The following FMC1 variants were observed in gnomAD, a reference collection of about 807,000 sequenced individuals.
FMC1 encodes formation of mitochondrial complex V assembly factor 1, also known as protein FMC1 homolog.
In FMC1, 6 loss-of-function variants were observed where a neutral mutation model predicts 10.5. The ratio of observed to expected loss-of-function variants is 0.57; its 90% CI spans 0.31 to 1.12. The LOEUF is 1.12. Ranked by LOEUF, FMC1 falls within the 50% of genes most tolerant of loss-of-function variation. FMC1 has a pLI of 0.05. For missense variants in FMC1, 146 were observed against 151.7 expected, an observed-to-expected ratio of 0.96 and a Z score of 0.20; for synonymous variants, 59 against 62.1, an observed-to-expected ratio of 0.95 and a Z score of 0.24.
At position 139,345,706 on chromosome 7, in the gene FMC1, C is replaced by T; in HGVS notation, c.*2C>T. 1.9e-6 allele frequency: 3 copies of T among 1,613,722 alleles called. No individual in the cohort carries two copies. The highest frequency in any genetic ancestry group is 2.5e-6 in the Non-Finnish European group (3 of 1,179,876). On this transcript the variant is annotated 3_prime_UTR_variant, in exon 2 of 2. Coordinates refer to ENST00000297534, the MANE Select transcript of FMC1 (RefSeq NM_197964.5). The stretch of plus-strand genomic sequence containing the variant: ...GGAGGGAAGGGCTGGGAGCCATGAA[C>T]ATGGAGAATATCCTTGGATGCTGCA...
upstream of FMC1, chr7:139,341,125 G>A (rs1798930862): frequency 5.1e-5 from 21 of 412,418 alleles, no homozygotes; most frequent in East Asian, 9.1e-4. Context: ...AAAAGCCCCT[G>A]TTTCCCCAAA....
At position 139,341,458 on chromosome 7, in the gene FMC1, C is replaced by T. The variant is rs775171261; in HGVS notation, c.74C>T (p.Thr25Ile). ...LRELRYLSAA[T>I]GRPYRDTAAY... ...GAGTTGCGCTACCTGAGCGCGGCCA[C>T]CGGCCGACCCTATCGCGACACCGCG... is the stretch of plus-strand genomic sequence containing the variant. The change falls in exon 1 of 2, where the codon ACC (threonine) becomes ATC (isoleucine). Residue 25 changes from threonine to isoleucine, a missense_variant. Coordinates refer to ENST00000297534, the MANE Select transcript of FMC1 (RefSeq NM_197964.5). 26 of 1,613,554 alleles carry T rather than the reference C, an allele frequency of 1.6e-5. No individual in the cohort carries two copies. Among genetic ancestry groups the T allele is most frequent in the Non-Finnish European group, 2.2e-5 (26 of 1,180,028 alleles).
intron 1 of FMC1, chr7:139,344,816 C>T (rs1024015156): frequency 6.6e-6 from 1 of 150,688 alleles, no homozygotes; most frequent in Non-Finnish European, 1.5e-5. Flanking sequence ...CATTCTCCCG[C>T]CTCAGCCTCC....
At chr7:139,341,246 G>A (rs914307113), upstream of FMC1, 25 of 1,414,048 alleles carry the variant, frequency 1.8e-5, no homozygotes, top group Non-Finnish European at 2.2e-5. Flanking sequence ...CAACGGACAA[G>A]TGAGCGGTTC....
At chr7:139,343,491 A>G (rs1034223078) in intron 1 of FMC1, among the ~76,000 whole-genome samples, 6 of 152,170 alleles carry the variant, frequency 3.9e-5, no homozygotes, top group Admixed American at 3.9e-4. Flanking sequence ...TGAGAGGATC[A>G]CTTGAGCCCA....
In FMC1 at chr7:139,345,499, A is replaced by G. The variant is rs112628353; in HGVS notation, c.139-2A>G. 6.2e-7 allele frequency: 1 copy of G among 1,614,184 alleles called. No homozygotes were observed. On this transcript the variant is annotated splice_acceptor_variant, in intron 1 of 1. Coordinates refer to ENST00000297534, the MANE Select transcript of FMC1 (RefSeq NM_197964.5). LOFTEE classifies it high-confidence loss of function. ...AGAATTTCTGACTTGCTGCTTCTCT[A>G]GGTCACCAGTGAAAAGTTGTGCAGA...
chr7:139,341,270 T>G, upstream of FMC1: 1 of 1,480,324 alleles, frequency 6.8e-7, no homozygotes. Flanking sequence ...TGCTCGTCAG[T>G]CGATAGGGGG....
At position 139,346,256 on chromosome 7, in the gene FMC1, A is replaced by AAT. The variant is rs1799267316; in HGVS notation, c.*553_*554dup. ...AACTCTGTCTCAAAAAAAAAAAAAA[A>AAT]ATTAGTATAAGCCTTTTGTTTAAGG... On this transcript the variant is annotated 3_prime_UTR_variant, in exon 2 of 2. Transcript: ENST00000297534. The AAT allele has an allele frequency of 6.6e-6, 1 of 151,994 alleles. No individual in the cohort carries two copies. Among genetic ancestry groups the AAT allele is most frequent in the Admixed American group, 6.6e-5 (1 of 15,248 alleles). 9.4% of individuals were successfully genotyped at this position (151,994 alleles called of 1,614,324 possible). A position where few individuals can be genotyped will look rare whatever the true frequency, so the allele number is the denominator to read the frequency against.
At position 139,345,877 on chromosome 7, in the gene FMC1, A is replaced by C; in HGVS notation, c.*173A>C. The stretch of plus-strand genomic sequence containing the variant: ...TCTTTACTCTCAGTGAATTTACTGA[A>C]CTTTTTGCACTAGACTGATGTTGTT... On this transcript the variant is annotated 3_prime_UTR_variant, in exon 2 of 2. Coordinates refer to ENST00000297534, the MANE Select transcript of FMC1 (RefSeq NM_197964.5). The C allele has an allele frequency of 1.4e-6, 1 of 702,486 alleles. No homozygotes were observed. The highest frequency in any genetic ancestry group is 3.1e-5 in the East Asian group (1 of 32,056). 43.5% of individuals were successfully genotyped at this position (702,486 alleles called of 1,614,324 possible). A position where few individuals can be genotyped will look rare whatever the true frequency, so the allele number is the denominator to read the frequency against.
Position 139,345,975 on chromosome 7 carries a change from C to A in FMC1, c.*271C>A, listed in dbSNP as rs994427104. 9.0e-6 allele frequency: 2 copies of A among 221,360 alleles called. No homozygotes were observed. The highest frequency in any genetic ancestry group is 1.3e-4 in the East Asian group (1 of 7,470). 13.7% of individuals were successfully genotyped at this position (221,360 alleles called of 1,614,324 possible). ...AGCCTTAGCCAGGCACGGTGGCTCACGCCTGTAATCCCAGCACTTTGGGAG... is the reference window on the plus strand; with the variant it reads ...AGCCTTAGCCAGGCACGGTGGCTCAAGCCTGTAATCCCAGCACTTTGGGAG... On this transcript the variant is annotated 3_prime_UTR_variant, in exon 2 of 2. Coordinates refer to ENST00000297534, the MANE Select transcript of FMC1 (RefSeq NM_197964.5).
intron 1 of FMC1, among the ~76,000 whole-genome samples, chr7:139,341,938 T>C (rs550728369): frequency 6.6e-6 from 1 of 152,284 alleles, no homozygotes; most frequent in African/African-American, 2.4e-5. Flanking sequence ...TCCTCACCCG[T>C]CCCCTAGAAA....
At chr7:139,342,980 G>A (rs567013593) in intron 1 of FMC1, among the ~76,000 whole-genome samples, 2 of 152,260 alleles carry the variant, frequency 1.3e-5, no homozygotes, top group African/African-American at 4.8e-5. Context: ...CTTTCCCTCC[G>A]GAGAAGGGAT....
intron 1 of FMC1, 141 bp from the exon 2 acceptor site, chr7:139,345,360 A>T (rs987527545): frequency 1.6e-6 from 2 of 1,279,848 alleles, no homozygotes; most frequent in Non-Finnish European, 2.1e-6. Flanking sequence ...AGATGTATTA[A>T]GTATACATGT....
In FMC1 at chr7:139,341,411, C is replaced by T. The variant is rs750742734; in HGVS notation, c.27C>T (p.His9=). Residue 9 remains histidine, a synonymous_variant, in exon 1 of 2, where the codon CAC becomes CAT. Transcript: ENST00000297534. The part of the protein sequence containing the change: MAALGSPS[H]TFRGLLRELR... ...TGGCGGCCTTAGGGTCCCCGTCGCA[C>T]ACTTTTCGAGGACTTCTGCGGGAGT... 29 of 1,613,474 alleles carry T rather than the reference C, an allele frequency of 1.8e-5. No individual in the cohort carries two copies. The highest frequency in any genetic ancestry group is 2.5e-5 in the Non-Finnish European group (29 of 1,179,934).
At chr7:139,344,221 G>T (rs1799146783) in intron 1 of FMC1, among the ~76,000 whole-genome samples, 1 of 152,114 alleles carries the variant, frequency 6.6e-6, no homozygotes, top group Non-Finnish European at 1.5e-5. Flanking sequence ...TTTCAAGATG[G>T]ATAAGCAAAT....
Position 139,345,948 on chromosome 7 carries a change from C to T in FMC1, c.*244C>T, listed in dbSNP as rs1185246263. 2 of 310,952 alleles carry T rather than the reference C, an allele frequency of 6.4e-6. No homozygotes were observed. Among genetic ancestry groups the T allele is most frequent in the Admixed American group, 5.0e-5 (1 of 20,170 alleles). 19.3% of individuals were successfully genotyped at this position (310,952 alleles called of 1,614,324 possible). A position where few individuals can be genotyped will look rare whatever the true frequency, so the allele number is the denominator to read the frequency against. Reference sequence around the variant, plus strand: ...TTTATATTTTATTTTAAAAGTAGTACAAGCCTTAGCCAGGCACGGTGGCTC... The same window carrying T: ...TTTATATTTTATTTTAAAAGTAGTATAAGCCTTAGCCAGGCACGGTGGCTC... On this transcript the variant is annotated 3_prime_UTR_variant, in exon 2 of 2. Transcript: ENST00000297534.
intron 1 of FMC1, among the ~76,000 whole-genome samples, chr7:139,341,837 G>C (rs542379332): frequency 6.6e-6 from 1 of 152,330 alleles, no homozygotes; most frequent in Non-Finnish European, 1.5e-5. Context: ...AAAGTGGAAT[G>C]GAGGATTCAA....
intron 1 of FMC1, among the ~76,000 whole-genome samples, chr7:139,342,176 G>A (rs767976799): frequency 6.2e-4 from 86 of 137,792 alleles, no homozygotes; most frequent in Admixed American, 1.9e-3. Flanking sequence ...GGAAGAATCA[G>A]ATGCACATGT....
intron 1 of FMC1, among the ~76,000 whole-genome samples, chr7:139,342,518 T>G (rs953735499): frequency 6.6e-6 from 1 of 152,110 alleles, no homozygotes; most frequent in Non-Finnish European, 1.5e-5. Flanking sequence ...TTATTGTAAG[T>G]GTAATGGGAA....
Sources: allele counts gnomAD v4.1 joint callset (sites outside exome capture counted in the v4.1 genomes callset), GRCh38; gene constraint gnomAD v4.1.1; transcripts MANE v1.5; gene names NCBI Gene and HGNC (gene_info 2026-07-23, HGNC 2026-07-21).